GGA3: variants seen among roughly 807,000 people sequenced by gnomAD.
The protein encoded by GGA3 is golgi associated, gamma adaptin ear containing, ARF binding protein 3, also known as ADP-ribosylation factor-binding protein GGA3.
A neutral mutation model predicts 77.5 loss-of-function variants in GGA3; 57 were observed. The observed-to-expected ratio is 0.74, with a 90% CI of 0.59 to 0.92. GGA3 has a LOEUF of 0.92. Ranked by LOEUF, GGA3 falls within the 40% of genes least tolerant of loss-of-function variation. The pLI is 0.00. For missense variants in GGA3, 970 were observed against 914.9 expected (o/e 1.06, Z -0.78); for synonymous variants, 416 against 383.7 (o/e 1.08, Z -0.98).
Position 75,261,537 on chromosome 17 carries a change from C to T in GGA3, c.40+11G>A. 1 of 1,521,956 alleles carries T rather than the reference C, an allele frequency of 6.6e-7. No individual in the cohort carries two copies. Among genetic ancestry groups the T allele is most frequent in the South Asian group, 1.3e-5 (1 of 79,920 alleles). The allele number at this position is 1,521,956 out of a possible 1,614,324, so 94.3% of individuals were successfully genotyped here. A position where few individuals can be genotyped will look rare whatever the true frequency, so the allele number is the denominator to read the frequency against. On this transcript the variant is annotated intron_variant, in intron 1 of 16. Transcript: ENST00000537686. ...GCTCGAGGGCAGGCAGAAACGGCCG[C>T]GGCTACTCACTGAGCCAGGACTCCA...
intron 1 of GGA3, among the ~76,000 whole-genome samples, chr17:75,252,434 C>T (rs1307407768): frequency 6.6e-6 from 1 of 152,116 alleles, no homozygotes; most frequent in African/African-American, 2.4e-5. Flanking sequence ...CCAAAAGTCC[C>T]CTATTCCCCC....
intron 14 of GGA3, 89 bp downstream of exon 14, chr17:75,239,286 G>A (rs1598385917): frequency 8.4e-6 from 10 of 1,196,274 alleles, no homozygotes; most frequent in African/African-American, 1.5e-5. Flanking sequence ...CCCCTGCAAA[G>A]AGTGCCTGGA....
intron 3 of GGA3, among the ~76,000 whole-genome samples, chr17:75,245,208 C>T (rs953281078): frequency 6.6e-6 from 1 of 152,232 alleles, no homozygotes; most frequent in Admixed American, 6.5e-5. Flanking sequence ...CCCTAACTCA[C>T]GCTTTGGCTT....
chr17:75,248,493 A>AAAAAAAAAAAAC (rs2076836570), intron 1 of GGA3, among the ~76,000 whole-genome samples: 2 of 130,976 alleles, frequency 1.5e-5, no homozygotes, highest in Non-Finnish European at 3.2e-5. Flanking sequence ...AAAAAAAAAA[A>AAAAAAAAAAAAC]ATCACCAGCT....
At chr17:75,249,132 A>C (rs1181825620) in intron 1 of GGA3, 2 of 282,516 alleles carry the variant, frequency 7.1e-6, no homozygotes, top group Non-Finnish European at 1.1e-5. Context: ...TGCAACCTCC[A>C]CCTCCCAGGT....
At chr17:75,248,493 A>T (rs2076836309) in intron 1 of GGA3, among the ~76,000 whole-genome samples, 1 of 130,976 alleles carries the variant, frequency 7.6e-6, no homozygotes, top group African/African-American at 3.1e-5. Flanking sequence ...AAAAAAAAAA[A>T]ATCACCAGCT....
Position 75,237,851 on chromosome 17 carries a change from G to C in GGA3, c.*428C>G. On this transcript the variant is annotated 3_prime_UTR_variant, in exon 17 of 17. Transcript: ENST00000537686. ...ACAGGGCTGCAGCCCCTTGGGCCGT[G>C]CATCTGTCAGGTGTGAGGATGTGGC... 2.8e-6 allele frequency: 4 copies of C among 1,409,956 alleles called. No individual in the cohort carries two copies. Among genetic ancestry groups the C allele is most frequent in the Non-Finnish European group, 3.7e-6 (4 of 1,087,160 alleles). The allele number at this position is 1,409,956 out of a possible 1,614,324, so 87.3% of individuals were successfully genotyped here. A position where few individuals can be genotyped will look rare whatever the true frequency, so the allele number is the denominator to read the frequency against.
chr17:75,257,805 C>T (rs982055843), intron 1 of GGA3, among the ~76,000 whole-genome samples: 4 of 152,186 alleles, frequency 2.6e-5, no homozygotes, highest in Non-Finnish European at 5.9e-5. Flanking sequence ...TGCCCCAACA[C>T]TTCAACACTA....
chr17:75,253,782 C>T (rs2077052107), intron 1 of GGA3, among the ~76,000 whole-genome samples: 2 of 152,164 alleles, frequency 1.3e-5, no homozygotes, highest in South Asian at 4.1e-4. Flanking sequence ...TCTCTACTCT[C>T]TCTTTTCTCT....
chr17:75,248,393 C>T (rs2076827918), intron 1 of GGA3, among the ~76,000 whole-genome samples: 1 of 136,476 alleles, frequency 7.3e-6, no homozygotes, highest in African/African-American at 2.7e-5. Context: ...ATGGCGCGAA[C>T]CCGGGGGGTG....
chr17:75,251,599 G>C (rs977411288), intron 1 of GGA3, among the ~76,000 whole-genome samples: 5 of 151,106 alleles, frequency 3.3e-5, no homozygotes, highest in African/African-American at 4.9e-5. Flanking sequence ...CCAGCTACTT[G>C]GGAGGCTGAG....
At chr17:75,255,389 T>C (rs1220002074) in intron 1 of GGA3, among the ~76,000 whole-genome samples, 1 of 152,296 alleles carries the variant, frequency 6.6e-6, no homozygotes, top group African/African-American at 2.4e-5. Context: ...GGGTTACAGC[T>C]ACATCTCATT....
chr17:75,261,540 CT>C lies in GGA3; in HGVS notation c.40+7del, dbSNP rs776545934. 3.3e-6 allele frequency: 5 copies of C among 1,525,234 alleles called. No homozygotes were observed. In the African/African-American group the frequency reaches 5.6e-5, roughly 17 times the overall value. 94.5% of individuals were successfully genotyped at this position (1,525,234 alleles called of 1,614,324 possible). A position where few individuals can be genotyped will look rare whatever the true frequency, so the allele number is the denominator to read the frequency against. ...CGAGGGCAGGCAGAAACGGCCGCGGCTACTCACTGAGCCAGGACTCCAGGCT... is the reference window on the plus strand; with the variant it reads ...CGAGGGCAGGCAGAAACGGCCGCGGCACTCACTGAGCCAGGACTCCAGGCT... On this transcript the variant is annotated splice_region_variant and intron_variant, in intron 1 of 16. Transcript: ENST00000537686.
chr17:75,237,889 T>G lies in GGA3; in HGVS notation c.*390A>C. 6 of 1,363,086 alleles carry G rather than the reference T, an allele frequency of 4.4e-6. No individual in the cohort carries two copies. Among genetic ancestry groups the G allele is most frequent in the Non-Finnish European group, 5.7e-6 (6 of 1,061,318 alleles). The allele number at this position is 1,363,086 out of a possible 1,614,324, so 84.4% of individuals were successfully genotyped here. A position where few individuals can be genotyped will look rare whatever the true frequency, so the allele number is the denominator to read the frequency against. On this transcript the variant is annotated 3_prime_UTR_variant, in exon 17 of 17. Transcript: ENST00000537686. The stretch of plus-strand genomic sequence containing the variant: ...GTGAGGATGTGGCTCTTGTGGGGAA[T>G]GACCCATGACAGTCTCTCTTTAGAG...
intron 4 of GGA3, 44 bp from the exon 5 acceptor site, chr17:75,243,614 A>G: frequency 4.4e-6 from 7 of 1,599,796 alleles, no homozygotes; most frequent in Non-Finnish European, 5.1e-6. Flanking sequence ...TGCAGTTCGG[A>G]GGCAGAGAAA....
At position 75,240,808 on chromosome 17, in the gene GGA3, G is replaced by A. The variant is rs540443493; in HGVS notation, c.1192+4C>T. On this transcript the variant is annotated splice_donor_region_variant and intron_variant, in intron 11 of 16. Coordinates refer to ENST00000537686, the MANE Select transcript of GGA3 (RefSeq NM_138619.4). ...ATGCCCCTGACGCCCCCTGTGGGCC[G>A]CACCCAAGCAGAGTAGCTCCTCGTC... 5.0e-6 allele frequency: 8 copies of A among 1,606,222 alleles called. No homozygotes were observed. Among genetic ancestry groups the A allele is most frequent in the East Asian group, 4.5e-5 (2 of 44,814 alleles).
intron 12 of GGA3, 95 bp downstream of exon 12, chr17:75,240,245 CTG>C (rs2076495545): frequency 8.6e-7 from 1 of 1,159,242 alleles, no homozygotes; most frequent in East Asian, 2.5e-5. Flanking sequence ...CTGGCACGCT[CTG>C]GAGGGAAGGA....
intron 1 of GGA3, among the ~76,000 whole-genome samples, chr17:75,252,336 C>G (rs1248676128): frequency 6.6e-6 from 1 of 152,068 alleles, no homozygotes; most frequent in Non-Finnish European, 1.5e-5. Context: ...GCGATGCTCC[C>G]ACCTCAGCCT....
Position 75,239,890 on chromosome 17 carries a change from TG to T in GGA3, c.1481del (p.Pro494GlnfsTer30). 6.2e-7 allele frequency: 1 copy of T among 1,613,708 alleles called. No homozygotes were observed. Among genetic ancestry groups the T allele is most frequent in the Non-Finnish European group, 8.5e-7 (1 of 1,179,872 alleles). Reference protein sequence around the residue: ...FSTGVAPALAPKVEPAVPGHH... With the variant: ...FSTGVAPALAXKVEPAVPGHH... ...GCCCAGGGACTGCGGGCTCAACTTT[TG>T]GGGCCAAGGCTGGGGCCACTCCAGT... On this transcript the variant is annotated frameshift_variant, in exon 13 of 17. Coordinates refer to ENST00000537686, the MANE Select transcript of GGA3 (RefSeq NM_138619.4). LOFTEE classifies it high-confidence loss of function.
Sources: gnomAD v4.1 joint callset for allele counts (sites outside exome capture counted in the v4.1 genomes callset) on GRCh38, gnomAD v4.1.1 for gene constraint, MANE v1.5 for transcripts, NCBI Gene and HGNC (gene_info 2026-07-23, HGNC 2026-07-21) for gene names.